Variants in RESF1 observed in about 807,000 individuals in gnomAD.
RESF1 encodes the protein retroelement silencing factor 1.
Under a neutral mutation model 134.7 loss-of-function variants are expected in RESF1, and 65 were observed. The ratio of observed to expected loss-of-function variants is 0.48; its 90% CI spans 0.40 to 0.59. RESF1 has a LOEUF of 0.59. RESF1 is among the 20% of genes least tolerant of loss of function. RESF1 has a pLI of 0.00. For missense variants in RESF1, 2,274 were observed against 2,002.7 expected (o/e 1.14, Z -2.59); for synonymous variants, 762 against 702.2 (o/e 1.09, Z -1.35).
intron 5 of RESF1, among the ~76,000 whole-genome samples, chr12:31,991,626 T>C (rs1042298647): frequency 6.6e-6 from 1 of 152,110 alleles, no homozygotes; most frequent in Admixed American, 6.5e-5. Flanking sequence ...TTTGTTTGTT[T>C]GTTTGTTTGT....
At chr12:31,961,018 A>G (rs1188375900) in intron 2 of RESF1, 147 bp downstream of exon 2, 1 of 152,208 alleles carries the variant, frequency 6.6e-6, no homozygotes, top group Non-Finnish European at 1.5e-5. Context: ...GTCACAATGG[A>G]ATTGACAGCA....
chr12:31,992,291 A>G lies in RESF1; in HGVS notation c.5087-87A>G, dbSNP rs758468900. On this transcript the variant is annotated intron_variant, in intron 5 of 5. Coordinates refer to ENST00000312561, the MANE Select transcript of RESF1 (RefSeq NM_018169.4). ...CTTGCCTTAATTTTTTATCCCTCCA[A>G]TATATATTTTCCCTCTGAATTTTGA... 127 of 1,167,196 alleles carry G rather than the reference A, an allele frequency of 1.1e-4. 1 individual carries two copies. In the Middle Eastern group the frequency reaches 4.9e-3, roughly 45 times the overall value. 72.3% of individuals were successfully genotyped at this position (1,167,196 alleles called of 1,614,324 possible).
chr12:31,981,440 A>T lies in RESF1; in HGVS notation c.485A>T (p.Tyr162Phe). 3 of 1,614,122 alleles carry T rather than the reference A, an allele frequency of 1.9e-6. No individual in the cohort carries two copies. Among genetic ancestry groups the T allele is most frequent in the Admixed American group, 1.7e-5 (1 of 60,024 alleles). The part of the protein sequence containing the change: ...LQSQLITSDT[Y>F]SMQMQMIPSN... ...AGTCAACTGATAACATCAGATACCT[A>T]TTCTATGCAAATGCAGATGATCCCT... is the stretch of plus-strand genomic sequence containing the variant. Residue 162 changes from tyrosine to phenylalanine, a missense_variant, in exon 4 of 6, where the codon TAT (tyrosine) becomes TTT (phenylalanine). Transcript: ENST00000312561.
intron 2 of RESF1, among the ~76,000 whole-genome samples, chr12:31,966,776 G>T (rs1939406425): frequency 6.6e-6 from 1 of 152,184 alleles, no homozygotes. Flanking sequence ...TTTTAATCCA[G>T]TGTTGCCTAA....
Position 31,981,482 on chromosome 12 carries a change from T to C in RESF1, c.527T>C (p.Leu176Pro). ...ATGATCCCTTCTAATTCTACACGAC[T>C]TCCTGTAGCTTACCAAGGAAATCAG... Reference protein sequence around the residue: ...MQMIPSNSTRLPVAYQGNQGL... With the variant: ...MQMIPSNSTRPPVAYQGNQGL... Residue 176 changes from leucine to proline, a missense_variant, in exon 4 of 6, where the codon CTT becomes CCT. By Grantham distance (98) the Leu-to-Pro change is moderately conservative. Coordinates refer to ENST00000312561, the MANE Select transcript of RESF1 (RefSeq NM_018169.4). The C allele has an allele frequency of 6.2e-7, 1 of 1,614,136 alleles. No homozygotes were observed. The highest frequency in any genetic ancestry group is 8.5e-7 in the Non-Finnish European group (1 of 1,180,022).
At chr12:31,960,493 T>C (rs1175102176) in intron 1 of RESF1, among the ~76,000 whole-genome samples, 1 of 152,236 alleles carries the variant, frequency 6.6e-6, no homozygotes, top group Non-Finnish European at 1.5e-5. Flanking sequence ...CTGTTTAATA[T>C]TAATCCAATA....
At chr12:31,987,001 CCTCTT>C (rs1254825472) in intron 4 of RESF1, among the ~76,000 whole-genome samples, 3 of 152,070 alleles carry the variant, frequency 2.0e-5, no homozygotes, top group Non-Finnish European at 4.4e-5. Context: ...GATGTATTAA[CCTCTT>C]CAGTTCATGT....
chr12:31,990,753 T>A (rs1252691212), intron 5 of RESF1, among the ~76,000 whole-genome samples: 4 of 152,230 alleles, frequency 2.6e-5, no homozygotes, highest in East Asian at 1.9e-4. Context: ...GGGCATTTTT[T>A]AAATGCCTAT....
At chr12:31,965,458 AGCCACTGCT>A (rs1263677201) in intron 2 of RESF1, among the ~76,000 whole-genome samples, 4 of 152,154 alleles carry the variant, frequency 2.6e-5, no homozygotes, top group African/African-American at 9.7e-5. Flanking sequence ...GACTGTCTTG[AGCCACTGCT>A]GCCCCCGCTC....
Position 31,983,048 on chromosome 12 carries a change from C to G in RESF1, c.2093C>G (p.Thr698Arg). The G allele has an allele frequency of 1.2e-6, 2 of 1,613,960 alleles. No homozygotes were observed. Among genetic ancestry groups the G allele is most frequent in the African/African-American group, 2.7e-5 (2 of 75,064 alleles). Residue 698 changes from threonine (T) to arginine (R), a missense_variant, in exon 4 of 6, where the codon ACA becomes AGA. By Grantham distance (71) the Thr-to-Arg change is moderately conservative. Transcript: ENST00000312561. ...GAAAAGGAGTGTGATAAACTCAGAACAAACACAACAGCAGTTGGAATTTCA... is the reference window on the plus strand; with the variant it reads ...GAAAAGGAGTGTGATAAACTCAGAAGAAACACAACAGCAGTTGGAATTTCA... Reference protein sequence around the residue: ...AKEKECDKLRTNTTAVGISKP... With the variant: ...AKEKECDKLRRNTTAVGISKP...
chr12:31,992,263 C>A, intron 5 of RESF1, 115 bp from the exon 6 acceptor site: 1 of 883,686 alleles, frequency 1.1e-6, no homozygotes, highest in Non-Finnish European at 1.8e-6. Context: ...TTTTGCTTAA[C>A]TCCTTGCCTT....
chr12:31,987,296 G>T lies in RESF1; in HGVS notation c.5060G>T (p.Arg1687Met), dbSNP rs763698132. Residue 1687 changes from arginine (R) to methionine (M), a missense_variant, in exon 5 of 6, where the codon AGG becomes ATG. Coordinates refer to ENST00000312561, the MANE Select transcript of RESF1 (RefSeq NM_018169.4). ...TTAAAATTTGTTGCTACAAAGAAAA[G>T]GACACAGAAAGACAGCCAAGAGAGA... ...DWLKFVATKK[R>M]TQKDSQERDN... 1.8e-5 allele frequency: 29 copies of T among 1,602,862 alleles called. No homozygotes were observed. In the East Asian group the frequency reaches 6.5e-4, roughly 36 times the overall value.
intron 4 of RESF1, chr12:31,987,026 A>G (rs989659854): frequency 1.0e-5 from 4 of 394,024 alleles, no homozygotes; most frequent in Middle Eastern, 1.5e-3. Context: ...TGAGGGGAAC[A>G]TAATTACATA....
chr12:31,992,603 G>A lies in RESF1; in HGVS notation c.*68G>A. 2 of 1,413,532 alleles carry A rather than the reference G, an allele frequency of 1.4e-6. No homozygotes were observed. The highest frequency in any genetic ancestry group is 1.2e-5 in the South Asian group (1 of 82,770). 87.6% of individuals were successfully genotyped at this position (1,413,532 alleles called of 1,614,324 possible). A position where few individuals can be genotyped will look rare whatever the true frequency, so the allele number is the denominator to read the frequency against. The stretch of plus-strand genomic sequence containing the variant: ...CCTTTTCTGTTCAAAATATTTCGCT[G>A]AAACTAATGAGAAATGCCATGATAA... On this transcript the variant is annotated 3_prime_UTR_variant, in exon 6 of 6. Transcript: ENST00000312561.
At chr12:31,991,210 A>AAAAAC (rs397815599) in intron 5 of RESF1, among the ~76,000 whole-genome samples, 1 of 151,374 alleles carries the variant, frequency 6.6e-6, no homozygotes, top group Non-Finnish European at 1.5e-5. Context: ...AAAAAAAAAA[A>AAAAAC]CCCACAGGAG....
intron 3 of RESF1, among the ~76,000 whole-genome samples, chr12:31,980,503 C>T (rs1160663301): frequency 6.6e-6 from 1 of 152,132 alleles, no homozygotes; most frequent in Non-Finnish European, 1.5e-5. Flanking sequence ...TGTTTTTAAC[C>T]ATATGTTTGA....
At chr12:31,977,022 T>C (rs548289823) in intron 3 of RESF1, among the ~76,000 whole-genome samples, 37 of 152,354 alleles carry the variant, frequency 2.4e-4, no homozygotes, top group African/African-American at 7.9e-4. Context: ...ATTGCGAATA[T>C]AATCTTCTAG....
At position 31,959,449 on chromosome 12, in the gene RESF1, G is replaced by A. The variant is rs1434163125; in HGVS notation, c.-384G>A. 3 of 152,384 alleles carry A rather than the reference G, an allele frequency of 2.0e-5. No homozygotes were observed. The highest frequency in any genetic ancestry group is 7.2e-5 in the African/African-American group (3 of 41,460). 9.4% of individuals were successfully genotyped at this position (152,384 alleles called of 1,614,324 possible). A position where few individuals can be genotyped will look rare whatever the true frequency, so the allele number is the denominator to read the frequency against. The stretch of plus-strand genomic sequence containing the variant: ...AAACTCTGGGGCCCGGGAGGCCGCC[G>A]GTTTTCTCCCCGCTTGCCGGGGTGG... On this transcript the variant is annotated 5_prime_UTR_variant, in exon 1 of 6. Transcript: ENST00000312561.
At position 31,970,395 on chromosome 12, in the gene RESF1, A is replaced by G. The variant is rs1366244305; in HGVS notation, c.-79+39A>G. The G allele has an allele frequency of 7.9e-5, 12 of 152,234 alleles. No homozygotes were observed. In the East Asian group the frequency reaches 2.1e-3, roughly 27 times the overall value. 9.4% of individuals were successfully genotyped at this position (152,234 alleles called of 1,614,324 possible). ...TTTTCTTTCACCTCACTGGAAGGGA[A>G]TGTGGGTGGGAATTTAAGACATCTA... On this transcript the variant is annotated intron_variant, in intron 3 of 5. Transcript: ENST00000312561.
Sources: gnomAD v4.1 joint callset for allele counts (sites outside exome capture counted in the v4.1 genomes callset) on GRCh38, gnomAD v4.1.1 for gene constraint, MANE v1.5 for transcripts, NCBI Gene and HGNC (gene_info 2026-07-23, HGNC 2026-07-21) for gene names.